Variants in PTPN4 observed in about 807,000 individuals in gnomAD.
The protein encoded by PTPN4 is protein tyrosine phosphatase non-receptor type 4, also known as tyrosine-protein phosphatase non-receptor type 4.
In PTPN4, 49 loss-of-function variants were observed where a neutral mutation model predicts 135.5. That is an observed-to-expected ratio of 0.36 (90% CI 0.29 to 0.46). The LOEUF is 0.46. Among genes scored for constraint, PTPN4 ranks in the 20% least tolerant of loss-of-function variants. The pLI is 1.00. For missense variants in PTPN4, 860 were observed against 1,101.0 expected, an observed-to-expected ratio of 0.78 and a Z score of 3.10; for synonymous variants, 333 against 369.9, an observed-to-expected ratio of 0.90 and a Z score of 1.14.
At chr2:119,765,425 G>C (rs1045344341) in intron 1 of PTPN4, among the ~76,000 whole-genome samples, 1 of 152,126 alleles carries the variant, frequency 6.6e-6, no homozygotes, top group African/African-American at 2.4e-5. Flanking sequence ...GAATATTTCT[G>C]TGCCAGATCT....
intron 1 of PTPN4, among the ~76,000 whole-genome samples, chr2:119,803,419 C>T (rs953959399): frequency 2.6e-5 from 4 of 152,032 alleles, no homozygotes; most frequent in African/African-American, 9.7e-5. Context: ...CTTAAGATTT[C>T]CTCTTTGTCC....
intron 2 of PTPN4, among the ~76,000 whole-genome samples, chr2:119,813,949 A>G (rs990233148): frequency 6.6e-6 from 1 of 152,052 alleles, no homozygotes; most frequent in Non-Finnish European, 1.5e-5. Context: ...GACAGGTTTA[A>G]TTTTTATTAT....
intron 1 of PTPN4, among the ~76,000 whole-genome samples, chr2:119,762,188 CACTTCA>C (rs1690519134): frequency 1.3e-5 from 2 of 151,992 alleles, no homozygotes; most frequent in Non-Finnish European, 2.9e-5. Flanking sequence ...GACCAGTGTA[CACTTCA>C]TTATTGTTGA....
intron 2 of PTPN4, among the ~76,000 whole-genome samples, chr2:119,835,802 G>C (rs1475684136): frequency 6.6e-6 from 1 of 151,946 alleles, no homozygotes; most frequent in African/African-American, 2.4e-5. Context: ...GGGCATGGTG[G>C]CTCACACCTG....
chr2:119,880,853 T>C (rs1678061209), intron 5 of PTPN4, among the ~76,000 whole-genome samples: 2 of 152,164 alleles, frequency 1.3e-5, no homozygotes, highest in African/African-American at 2.4e-5. Context: ...TTGTAATGAA[T>C]ATCTGATTCT....
intron 2 of PTPN4, among the ~76,000 whole-genome samples, chr2:119,853,416 G>T (rs1309457191): frequency 6.6e-6 from 1 of 151,766 alleles, no homozygotes; most frequent in Non-Finnish European, 1.5e-5. Context: ...TGTTTTTATA[G>T]TGTCTTTGAG....
chr2:119,864,702 A>G (rs562227446), intron 3 of PTPN4, among the ~76,000 whole-genome samples: 1 of 152,316 alleles, frequency 6.6e-6, no homozygotes, highest in African/African-American at 2.4e-5. Context: ...AAATTTGTAT[A>G]CAAAAAGACA....
chr2:119,848,326 A>C (rs1037625848), intron 2 of PTPN4, among the ~76,000 whole-genome samples: 6 of 151,110 alleles, frequency 4.0e-5, no homozygotes, highest in Admixed American at 1.3e-4. Flanking sequence ...GGCGCCCACC[A>C]CCATGCCCGG....
In PTPN4 at chr2:119,911,443, T is replaced by G. The variant is rs749665712; in HGVS notation, c.765-3736T>G. Reference sequence around the variant, plus strand: ...GATGCAGAAAAAGAATTTGACAAAATTGACCATTCATGATTTAAAAAAATA... The same window carrying G: ...GATGCAGAAAAAGAATTTGACAAAAGTGACCATTCATGATTTAAAAAAATA... On this transcript the variant is annotated intron_variant, in intron 10 of 26. Coordinates refer to ENST00000263708, the MANE Select transcript of PTPN4 (RefSeq NM_002830.4). 2.3e-3 allele frequency among the ~76,000 whole-genome samples: 345 copies of G among 152,150 alleles called. 1 individual carries two copies. The highest frequency in any genetic ancestry group is 2.8e-3 in the Admixed American group (43 of 15,264).
intron 2 of PTPN4, among the ~76,000 whole-genome samples, chr2:119,843,600 C>T (rs1444963955): frequency 2.0e-5 from 2 of 97,876 alleles, no homozygotes; most frequent in Non-Finnish European, 4.1e-5. Context: ...CCGGACGGGG[C>T]GGCTGGCCGG....
chr2:119,881,191 G>A (rs975960674), intron 5 of PTPN4, among the ~76,000 whole-genome samples: 4 of 152,150 alleles, frequency 2.6e-5, no homozygotes, highest in African/African-American at 9.7e-5. Flanking sequence ...GGTTTCACAG[G>A]AAATTGAATA....
intron 1 of PTPN4, among the ~76,000 whole-genome samples, chr2:119,799,521 T>C (rs906096916): frequency 6.6e-6 from 1 of 152,214 alleles, no homozygotes; most frequent in African/African-American, 2.4e-5. Context: ...TATTATACTT[T>C]AGGTTGGGAG....
chr2:119,935,179 C>G, intron 15 of PTPN4: 1 of 522,208 alleles, frequency 1.9e-6, no homozygotes, highest in South Asian at 2.9e-5. Flanking sequence ...TTAGACAGTT[C>G]TTCAGTTTTT....
intron 2 of PTPN4, among the ~76,000 whole-genome samples, chr2:119,847,590 T>C (rs1442332885): frequency 2.0e-5 from 3 of 152,116 alleles, no homozygotes; most frequent in African/African-American, 2.4e-5. Context: ...CCTCCCAAAG[T>C]GCTAGGATTA....
intron 2 of PTPN4, among the ~76,000 whole-genome samples, chr2:119,858,319 T>C (rs1677711185): frequency 6.6e-6 from 1 of 152,188 alleles, no homozygotes; most frequent in Non-Finnish European, 1.5e-5. Flanking sequence ...CTGTTGGTAA[T>C]TTCTTTTTTT....
At chr2:119,840,754 T>C (rs763232713) in intron 2 of PTPN4, among the ~76,000 whole-genome samples, 3 of 152,244 alleles carry the variant, frequency 2.0e-5, no homozygotes, top group Non-Finnish European at 4.4e-5. Flanking sequence ...CCAGCATCTG[T>C]TGTTTTTTGA....
intron 25 of PTPN4, among the ~76,000 whole-genome samples, chr2:119,966,771 T>C (rs1679451271): frequency 6.6e-6 from 1 of 152,190 alleles, no homozygotes; most frequent in South Asian, 2.1e-4. Flanking sequence ...TCTAAAAGCT[T>C]TAAGTAAACA....
At chr2:119,966,550 G>C (rs781259598) in intron 25 of PTPN4, among the ~76,000 whole-genome samples, 1 of 152,086 alleles carries the variant, frequency 6.6e-6, no homozygotes, top group Admixed American at 6.6e-5. Context: ...GAGCCACCGC[G>C]CCTCACCGGT....
chr2:119,808,114 A>G (rs1319321772), intron 1 of PTPN4, among the ~76,000 whole-genome samples: 2 of 152,238 alleles, frequency 1.3e-5, no homozygotes, highest in East Asian at 1.9e-4. Flanking sequence ...CCCACAGCCA[A>G]TATCATACTG....
Sources: allele counts gnomAD v4.1 joint callset (sites outside exome capture counted in the v4.1 genomes callset), GRCh38; gene constraint gnomAD v4.1.1; transcripts MANE v1.5; gene names NCBI Gene and HGNC (gene_info 2026-07-23, HGNC 2026-07-21).